PLTP: variants seen among roughly 807,000 people sequenced by gnomAD.
The protein encoded by PLTP is BPI fold containing family E.
A neutral mutation model predicts 54.1 loss-of-function variants in PLTP; 43 were observed. The observed-to-expected ratio is 0.79, with a 90% CI of 0.62 to 1.02. PLTP has a LOEUF of 1.02. Among genes scored for constraint, PLTP ranks in the 50% least tolerant of loss-of-function variants. The probability of loss-of-function intolerance (pLI) is 0.00; values close to 1 mark genes in which losing one functional copy is unlikely to be tolerated. For synonymous variants in PLTP, 263 were observed against 264.6 expected (o/e 0.99, Z 0.06); for missense variants, 604 against 645.9 (o/e 0.94, Z 0.70).
At chr20:45,899,812 G>GGCCCCCCC in intron 13 of PLTP, 24 bp downstream of exon 13, 1 of 309,344 alleles carries the variant, frequency 3.2e-6, no homozygotes, top group Non-Finnish European at 6.2e-6. Context: ...ACCCAGCCCA[G>GGCCCCCCC]CCCACCCACC....
chr20:45,903,226 C>G (rs1288508971), intron 10 of PLTP, among the ~76,000 whole-genome samples: 1 of 148,668 alleles, frequency 6.7e-6, no homozygotes, highest in Non-Finnish European at 1.5e-5. Context: ...TTTTTTGAGA[C>G]AGGGTCTCTG....
intron 12 of PLTP, among the ~76,000 whole-genome samples, chr20:45,901,041 CA>C (rs1187471219): frequency 6.6e-6 from 1 of 152,178 alleles, no homozygotes; most frequent in Non-Finnish European, 1.5e-5. Context: ...TCCTAACCTA[CA>C]TTATCTCCTT....
At position 45,907,905 on chromosome 20, in the gene PLTP, C is replaced by G; in HGVS notation, c.486-1G>C. The G allele has an allele frequency of 6.4e-7, 1 of 1,573,346 alleles. No individual in the cohort carries two copies. Among genetic ancestry groups the G allele is most frequent in the Non-Finnish European group, 8.6e-7 (1 of 1,159,092 alleles). On this transcript the variant is annotated splice_acceptor_variant, in intron 5 of 15. Coordinates refer to ENST00000372431, the MANE Select transcript of PLTP (RefSeq NM_006227.4). LOFTEE classifies it high-confidence loss of function. ...CGTGGAGAGAAAATCATACACCTTCCTGTGAGGAGAGGAGAGGCCGGATGA... is the reference window on the plus strand; with the variant it reads ...CGTGGAGAGAAAATCATACACCTTCGTGTGAGGAGAGGAGAGGCCGGATGA...
At chr20:45,907,329 G>A (rs1487662353) in intron 7 of PLTP, among the ~76,000 whole-genome samples, 2 of 121,000 alleles carry the variant, frequency 1.7e-5, no homozygotes, top group African/African-American at 6.8e-5. Context: ...GTAAGACTCC[G>A]TGCAAAAAAA....
Position 45,899,021 on chromosome 20 carries a change from GCCCTTT to G in PLTP, c.1396_1401del (p.Lys466_Gly467del). On this transcript the variant is annotated inframe_deletion, in exon 16 of 16. Transcript: ENST00000372431. ...CGGTTCTTCTCAATCACCTCTCGCA[GCCCTTT>G]GGCAAAGTGGAGATCAGCCCCGATG... 1 of 1,614,208 alleles carries G rather than the reference GCCCTTT, an allele frequency of 6.2e-7. No homozygotes were observed. The highest frequency in any genetic ancestry group is 8.5e-7 in the Non-Finnish European group (1 of 1,180,030).
rs969444951 is a variant in PLTP at position 45,909,964 on chromosome 20, T to C, written c.307A>G (p.Arg103Gly). Residue 103 changes from arginine to glycine, a missense_variant, in exon 4 of 16, where the codon AGA (arginine) becomes GGA (glycine). Coordinates refer to ENST00000372431, the MANE Select transcript of PLTP (RefSeq NM_006227.4). ...TNASLGLRFR[R>G]QLLYWFFYDG... ...TACAAGAACCAGTAGAGCAGCTGTC[T>C]CCGGAAGCGCAGCCCCAAGGAGGCA... 1.2e-6 allele frequency: 2 copies of C among 1,614,072 alleles called. No homozygotes were observed. Among genetic ancestry groups the C allele is most frequent in the Non-Finnish European group, 1.7e-6 (2 of 1,180,010 alleles).
At chr20:45,905,256 G>A in intron 8 of PLTP, 138 bp from the exon 9 acceptor site, 1 of 735,220 alleles carries the variant, frequency 1.4e-6, no homozygotes, top group Non-Finnish European at 2.3e-6. Context: ...GGATTCACAA[G>A]CACATCTCTT....
rs753307904 is a variant in PLTP at position 45,902,250 on chromosome 20, G to T, written c.1175+17C>A. 1 of 1,612,658 alleles carries T rather than the reference G, an allele frequency of 6.2e-7. No individual in the cohort carries two copies. Among genetic ancestry groups the T allele is most frequent in the South Asian group, 1.1e-5 (1 of 91,032 alleles). On this transcript the variant is annotated intron_variant, in intron 12 of 15. Coordinates refer to ENST00000372431, the MANE Select transcript of PLTP (RefSeq NM_006227.4). ...TGTCCTCCAATCACTGAGGTGCAGG[G>T]AAGTGCGCCTGCCTACCTGCGCAGG... is the stretch of plus-strand genomic sequence containing the variant.
At position 45,905,232 on chromosome 20, in the gene PLTP, C is replaced by G. The variant is rs999621595; in HGVS notation, c.706-114G>C. The G allele has an allele frequency of 1.0e-5, 9 of 894,044 alleles. No individual in the cohort carries two copies. The African/African-American group carries it at 1.3e-4, about 13-fold the overall frequency. The allele number at this position is 894,044 out of a possible 1,614,324, so 55.4% of individuals were successfully genotyped here. Reference sequence around the variant, plus strand: ...CTGTGGGGGGATGGTGGGAACCCAGCTGCTGTTCTTGGAGGATTCACAAGC... The same window carrying G: ...CTGTGGGGGGATGGTGGGAACCCAGGTGCTGTTCTTGGAGGATTCACAAGC... On this transcript the variant is annotated intron_variant, in intron 8 of 15. Transcript: ENST00000372431.
chr20:45,906,476 G>A (rs1429362813), intron 7 of PLTP, 117 bp from the exon 8 acceptor site: 12 of 794,052 alleles, frequency 1.5e-5, no homozygotes, highest in Non-Finnish European at 2.2e-5. Flanking sequence ...GGGTTGTCAT[G>A]AGGGTCAAAT....
At chr20:45,906,449 A>G (rs1335687042) in intron 7 of PLTP, 90 bp from the exon 8 acceptor site, 28 of 932,870 alleles carry the variant, frequency 3.0e-5, no homozygotes, top group Non-Finnish European at 4.8e-5. Context: ...CCATAAAATG[A>G]GGATACATCC....
rs1199073944 is a variant in PLTP at position 45,907,644 on chromosome 20, G to A, written c.613+48C>T. 3 of 1,546,636 alleles carry A rather than the reference G, an allele frequency of 1.9e-6. No homozygotes were observed. In the South Asian group the frequency reaches 3.4e-5, roughly 18 times the overall value. Reference sequence around the variant, plus strand: ...AGGGCTCGGAAGGGGCCTGCTCTGAGGTGCTGCATGACAGCTGCACACCCA... The same window carrying A: ...AGGGCTCGGAAGGGGCCTGCTCTGAAGTGCTGCATGACAGCTGCACACCCA... On this transcript the variant is annotated intron_variant, in intron 7 of 15. Coordinates refer to ENST00000372431, the MANE Select transcript of PLTP (RefSeq NM_006227.4).
Position 45,907,082 on chromosome 20 carries a change from A to G in PLTP, c.613+610T>C, listed in dbSNP as rs2083246497. ...AGTGGCTCATGCCTATAATCCCAGC[A>G]CTTTGGGAGGCCAAGGTGGGCAGAT... On this transcript the variant is annotated intron_variant, in intron 7 of 15. Coordinates refer to ENST00000372431, the MANE Select transcript of PLTP (RefSeq NM_006227.4). 1.6e-5 allele frequency among the ~76,000 whole-genome samples: 2 copies of G among 123,062 alleles called. 1 individual carries two copies. The highest frequency in any genetic ancestry group is 3.9e-5 in the Non-Finnish European group (2 of 51,390). 80.7% of individuals were successfully genotyped at this position (123,062 alleles called of 152,430 possible). A position where few individuals can be genotyped will look rare whatever the true frequency, so the allele number is the denominator to read the frequency against.
At chr20:45,911,763 A>C in intron 1 of PLTP, 2 of 487,126 alleles carry the variant, frequency 4.1e-6, no homozygotes, top group Non-Finnish European at 7.5e-6. Flanking sequence ...CACACCCCCA[A>C]CAACCTCCCC....
chr20:45,908,038 T>C, intron 5 of PLTP, 134 bp from the exon 6 acceptor site: 1 of 824,020 alleles, frequency 1.2e-6, no homozygotes, highest in Non-Finnish European at 2.0e-6. Flanking sequence ...CTCCTCCACG[T>C]AGGTTTTCCA....
At chr20:45,906,462 C>T in intron 7 of PLTP, 103 bp from the exon 8 acceptor site, 1 of 859,146 alleles carries the variant, frequency 1.2e-6, no homozygotes. Context: ...ATACATCCTT[C>T]ACAGGGTTGT....
intron 14 of PLTP, 29 bp from the exon 15 acceptor site, chr20:45,899,567 G>A: frequency 6.2e-7 from 1 of 1,614,166 alleles, no homozygotes; most frequent in Non-Finnish European, 8.5e-7. Context: ...CGCTCAGTCT[G>A]GGCCCGCCCA....
At chr20:45,911,020 A>T in intron 3 of PLTP, 132 bp downstream of exon 3, 1 of 1,592,838 alleles carries the variant, frequency 6.3e-7, no homozygotes, top group Non-Finnish European at 8.5e-7. Context: ...CGGTTTCTTA[A>T]GTCTTGCCTC....
Position 45,898,662 on chromosome 20 carries a change from A to G in PLTP, c.*279T>C. The stretch of plus-strand genomic sequence containing the variant: ...ACTTTATTCCCGCAGCAGTTCCTGA[A>G]TGGGGTGGCCTGGCCCCTTCTCTGC... On this transcript the variant is annotated 3_prime_UTR_variant, in exon 16 of 16. Transcript: ENST00000372431. The surrounding 1 kb of genome is among the most constrained non-coding windows in gnomAD (Gnocchi z 4.6). 1.5e-6 allele frequency: 1 copy of G among 681,290 alleles called. No homozygotes were observed. The highest frequency in any genetic ancestry group is 2.6e-6 in the Non-Finnish European group (1 of 386,328). The allele number at this position is 681,290 out of a possible 1,614,324, so 42.2% of individuals were successfully genotyped here.
Sources: allele counts gnomAD v4.1 joint callset (sites outside exome capture counted in the v4.1 genomes callset), GRCh38; gene constraint gnomAD v4.1.1; non-coding constraint Gnocchi (gnomAD v3.1); transcripts MANE v1.5; gene names NCBI Gene and HGNC (gene_info 2026-07-23, HGNC 2026-07-21).